The following FAM76A variants were observed in gnomAD, a reference collection of about 807,000 sequenced individuals.
The protein encoded by FAM76A is protein FAM76A.
A neutral mutation model predicts 46.2 loss-of-function variants in FAM76A; 32 were observed. The observed-to-expected ratio is 0.69, with a 90% confidence interval of 0.52 to 0.93. The LOEUF is 0.93. Among genes scored for constraint, FAM76A ranks in the 40% least tolerant of loss-of-function variants. The probability of loss-of-function intolerance (pLI) is 0.00; values close to 1 mark genes in which losing one functional copy is unlikely to be tolerated. For missense variants in FAM76A, 274 were observed against 361.5 expected, an observed-to-expected ratio of 0.76 and a Z score of 1.96; for synonymous variants, 137 against 127.0, an observed-to-expected ratio of 1.08 and a Z score of -0.53.
intron 6 of FAM76A, among the ~76,000 whole-genome samples, chr1:27,750,719 C>G (rs2088317331): frequency 6.6e-6 from 1 of 152,188 alleles, no homozygotes; most frequent in Non-Finnish European, 1.5e-5. Flanking sequence ...ACTATTCTTG[C>G]TGTCCATTGC....
chr1:27,759,521 C>A lies in FAM76A; in HGVS notation c.736-5C>A. ...CTTCTGGTTATTCTGCCTTGTTTCCCTCAGATTACAGAGTTGAAGGCTGAT... is the reference window on the plus strand; with the variant it reads ...CTTCTGGTTATTCTGCCTTGTTTCCATCAGATTACAGAGTTGAAGGCTGAT... On this transcript the variant is annotated splice_polypyrimidine_tract_variant and splice_region_variant and intron_variant, in intron 7 of 8. Transcript: ENST00000373954. 6.3e-7 allele frequency: 1 copy of A among 1,599,006 alleles called. No individual in the cohort carries two copies. Among genetic ancestry groups the A allele is most frequent in the South Asian group, 1.1e-5 (1 of 88,296 alleles).
intron 6 of FAM76A, among the ~76,000 whole-genome samples, chr1:27,754,099 CTTTTTTT>C (rs869275641): frequency 1.1e-5 from 1 of 87,522 alleles, no homozygotes; most frequent in East Asian, 3.0e-4. Flanking sequence ...ACTATCCCTT[CTTTTTTT>C]TTTTTTTTTT....
At chr1:27,733,843 CA>C (rs2087999028) in intron 3 of FAM76A, among the ~76,000 whole-genome samples, 187 bp from the exon 4 acceptor site, 1 of 151,510 alleles carries the variant, frequency 6.6e-6, no homozygotes, top group Non-Finnish European at 1.5e-5. Context: ...GAGCGAGACT[CA>C]AAAAACAAAA....
In FAM76A at chr1:27,741,581, A is replaced by G. The variant is rs180887737; in HGVS notation, c.355-3073A>G. Among the ~76,000 whole-genome samples the G allele has an allele frequency of 4.6e-5, 7 of 152,168 alleles. No homozygotes were observed. In the East Asian group the frequency reaches 1.4e-3, roughly 29 times the overall value. ...AAATTTTTTTTCCATTTTACAGTAG[A>G]GAGAAATAGAAAAACAGGCCAGGCA... On this transcript the variant is annotated intron_variant, in intron 4 of 8. Transcript: ENST00000373954.
At chr1:27,759,850 C>T (rs1571503934) in intron 8 of FAM76A, 2 of 572,252 alleles carry the variant, frequency 3.5e-6, no homozygotes, top group Admixed American at 4.4e-5. Flanking sequence ...TTACTGCAGC[C>T]TCAACCTCCC....
intron 1 of FAM76A, 77 bp downstream of exon 1, chr1:27,726,238 C>G (rs1197475293): frequency 7.6e-6 from 9 of 1,184,342 alleles, no homozygotes; most frequent in Non-Finnish European, 9.5e-6. Context: ...TGTGGGGACG[C>G]CCGGCGGGGT....
chr1:27,735,688 G>A (rs1187262107), intron 4 of FAM76A, among the ~76,000 whole-genome samples: 1 of 152,116 alleles, frequency 6.6e-6, no homozygotes, highest in Non-Finnish European at 1.5e-5. Context: ...GGTCCCATCC[G>A]ACTCCTGGGG....
intron 4 of FAM76A, among the ~76,000 whole-genome samples, chr1:27,737,495 G>T (rs145153555): frequency 2.7e-4 from 41 of 151,904 alleles, no homozygotes; most frequent in African/African-American, 9.9e-4. Flanking sequence ...TGGGCGGATC[G>T]CTTGAGGCCA....
chr1:27,759,772 T>A, intron 8 of FAM76A, 145 bp downstream of exon 8: 1 of 613,028 alleles, frequency 1.6e-6, no homozygotes, highest in South Asian at 2.1e-5. Context: ...TTAGGTTTTT[T>A]TTTTTTGTTT....
At chr1:27,749,788 A>C (rs942572385) in intron 6 of FAM76A, among the ~76,000 whole-genome samples, 2 of 152,152 alleles carry the variant, frequency 1.3e-5, no homozygotes, top group African/African-American at 4.8e-5. Context: ...AATGTTGCCA[A>C]ATTTGTGAGG....
chr1:27,743,848 G>A (rs1352269303), intron 4 of FAM76A, among the ~76,000 whole-genome samples: 5 of 151,968 alleles, frequency 3.3e-5, no homozygotes, highest in African/African-American at 1.2e-4. Flanking sequence ...TGCTGAGGCA[G>A]GAGGATTGCT....
intron 3 of FAM76A, among the ~76,000 whole-genome samples, chr1:27,733,356 A>G (rs1205072217): frequency 2.0e-5 from 3 of 152,168 alleles, no homozygotes; most frequent in Non-Finnish European, 4.4e-5. Flanking sequence ...CATTCTCCCA[A>G]CATGTTTATG....
At position 27,755,214 on chromosome 1, in the gene FAM76A, C is replaced by T; in HGVS notation, c.619C>T (p.Leu207=). ...ATTTAGCTTCTCCCCAGACCTGGCT[C>T]TGGACTCACCAGGCACTGACCACTT... ...NGDSFSPDLA[L]DSPGTDHFVI... The change falls in exon 7 of 9, where the codon CTG becomes TTG. Residue 207 remains leucine, a synonymous_variant. Coordinates refer to ENST00000373954, the MANE Select transcript of FAM76A (RefSeq NM_152660.3). The T allele has an allele frequency of 6.2e-7, 1 of 1,614,210 alleles. No individual in the cohort carries two copies. The highest frequency in any genetic ancestry group is 1.1e-5 in the South Asian group (1 of 91,090).
rs181115977 is a variant in FAM76A, at chr1:27,748,975, G to A, written c.513-93G>A. 7 of 757,760 alleles carry A rather than the reference G, an allele frequency of 9.2e-6. No homozygotes were observed. In the East Asian group the frequency reaches 2.0e-4, roughly 21 times the overall value. The allele number at this position is 757,760 out of a possible 1,614,324, so 46.9% of individuals were successfully genotyped here. A position where few individuals can be genotyped will look rare whatever the true frequency, so the allele number is the denominator to read the frequency against. On this transcript the variant is annotated intron_variant, in intron 5 of 8. Transcript: ENST00000373954. ...TTAGCTCTTGCATAGAAGAGCTGCT[G>A]TCTTAACATTGGTCTATTTGACAGA...
Position 27,744,817 on chromosome 1 carries a change from C to A in FAM76A, c.512+6C>A. 1 of 1,613,032 alleles carries A rather than the reference C, an allele frequency of 6.2e-7. No individual in the cohort carries two copies. The highest frequency in any genetic ancestry group is 8.5e-7 in the Non-Finnish European group (1 of 1,179,224). On this transcript the variant is annotated splice_donor_region_variant and intron_variant, in intron 5 of 8. Coordinates refer to ENST00000373954, the MANE Select transcript of FAM76A (RefSeq NM_152660.3). ...GGTGGTGGCCATTATAACAGGTAAC[C>A]TCAAGACACATGAGATGGGACTAGA...
At chr1:27,733,880 C>T (rs2087999621) in intron 3 of FAM76A, 151 bp from the exon 4 acceptor site, 3 of 746,404 alleles carry the variant, frequency 4.0e-6, no homozygotes, top group Non-Finnish European at 6.2e-6. Flanking sequence ...AAGAATTGGG[C>T]TTCATTTGGT....
intron 2 of FAM76A, among the ~76,000 whole-genome samples, chr1:27,731,971 G>A (rs919221472): frequency 2.0e-5 from 3 of 152,050 alleles, no homozygotes; most frequent in South Asian, 2.1e-4. Context: ...ACAGGCACGC[G>A]CCACCACGCC....
chr1:27,744,571 C>G (rs1422570911), intron 4 of FAM76A, 83 bp from the exon 5 acceptor site: 12 of 1,473,890 alleles, frequency 8.1e-6, no homozygotes, highest in African/African-American at 1.4e-5. Context: ...GGGACTGAAC[C>G]CAAAGATTCT....
chr1:27,745,809 T>C (rs988755900), intron 5 of FAM76A, among the ~76,000 whole-genome samples: 1 of 152,146 alleles, frequency 6.6e-6, no homozygotes, highest in African/African-American at 2.4e-5. Flanking sequence ...AGAATAGCAT[T>C]TGCAAAGGCA....
Sources: allele counts gnomAD v4.1 joint callset (sites outside exome capture counted in the v4.1 genomes callset), GRCh38; gene constraint gnomAD v4.1.1; transcripts MANE v1.5; gene names NCBI Gene and HGNC (gene_info 2026-07-23, HGNC 2026-07-21).